CCDC178: variants seen among roughly 807,000 people sequenced by gnomAD.
CCDC178 encodes coiled-coil domain containing 178, also known as coiled-coil domain-containing protein 178.
CCDC178 carries 126 observed loss-of-function variants against 117.4 expected under a neutral mutation model. The ratio of observed to expected loss-of-function variants is 1.07; its 90% CI spans 0.93 to 1.24. The LOEUF (loss-of-function observed/expected upper bound fraction) is 1.24. Among genes scored for constraint, CCDC178 ranks in the 50% most tolerant of loss-of-function variants. The probability of loss-of-function intolerance (pLI) is 0.00; values close to 1 mark genes in which losing one functional copy is unlikely to be tolerated. For missense variants in CCDC178, 1,030 were observed against 986.9 expected (o/e 1.04, Z -0.59); for synonymous variants, 283 against 313.4 (o/e 0.90, Z 1.02).
At chr18:33,438,062 G>A (rs1404619225) in intron 2 of CCDC178, among the ~76,000 whole-genome samples, 1 of 152,110 alleles carries the variant, frequency 6.6e-6, no homozygotes, top group African/African-American at 2.4e-5. Flanking sequence ...GACCACATAT[G>A]AAAATAAAAC....
intron 21 of CCDC178, among the ~76,000 whole-genome samples, chr18:33,058,358 C>T (rs1024044784): frequency 2.0e-5 from 3 of 152,070 alleles, no homozygotes; most frequent in Admixed American, 1.3e-4. Context: ...ACATGGTAAG[C>T]CTTGAACATA....
intron 18 of CCDC178, among the ~76,000 whole-genome samples, chr18:33,220,550 A>G (rs1287312780): frequency 5.3e-5 from 8 of 152,090 alleles, no homozygotes; most frequent in African/African-American, 1.9e-4. Flanking sequence ...ATTGGACAGA[A>G]GGGGATTCTT....
In CCDC178 at chr18:33,349,362, A is replaced by G. The variant is rs2062940477; in HGVS notation, c.372-387T>C. On this transcript the variant is annotated intron_variant, in intron 7 of 22. Coordinates refer to ENST00000383096, the MANE Select transcript of CCDC178 (RefSeq NM_001105528.4). ...GAAATCAATGTAAATTACAATGAGTAAAAATATCATTTCAGATAATAAACT... is the reference window on the plus strand; with the variant it reads ...GAAATCAATGTAAATTACAATGAGTGAAAATATCATTTCAGATAATAAACT... Among the ~76,000 whole-genome samples the G allele has an allele frequency of 5.9e-5, 9 of 152,052 alleles. No individual in the cohort carries two copies. The South Asian group carries it at 1.9e-3, about 31-fold the overall frequency.
intron 19 of CCDC178, among the ~76,000 whole-genome samples, chr18:33,215,063 T>C (rs2059149164): frequency 6.6e-6 from 1 of 151,926 alleles, no homozygotes; most frequent in African/African-American, 2.4e-5. Flanking sequence ...CTCTCAGGAC[T>C]TACTAACCCT....
At chr18:33,022,764 CTAAGTA>C (rs1178007743) in intron 21 of CCDC178, among the ~76,000 whole-genome samples, 9 of 151,978 alleles carry the variant, frequency 5.9e-5, no homozygotes, top group East Asian at 3.9e-4. Flanking sequence ...TGTAGATAGT[CTAAGTA>C]TATCAATTAG....
At chr18:33,228,175 G>T (rs1344818805) in intron 15 of CCDC178, among the ~76,000 whole-genome samples, 2 of 152,180 alleles carry the variant, frequency 1.3e-5, no homozygotes, top group African/African-American at 2.4e-5. Flanking sequence ...ACAACTCTTA[G>T]ATTATGCAGA....
chr18:32,983,963 T>C (rs1334431258), intron 21 of CCDC178, among the ~76,000 whole-genome samples: 4 of 152,012 alleles, frequency 2.6e-5, no homozygotes, highest in Non-Finnish European at 4.4e-5. Context: ...CAGTTAATAC[T>C]GAGCTATTTA....
At chr18:33,181,704 G>T (rs2058734638) in intron 20 of CCDC178, among the ~76,000 whole-genome samples, 1 of 151,762 alleles carries the variant, frequency 6.6e-6, no homozygotes, top group South Asian at 2.1e-4. Context: ...TTATAACAGT[G>T]CCCATACATT....
intron 21 of CCDC178, among the ~76,000 whole-genome samples, chr18:33,066,567 A>G (rs913633421): frequency 2.6e-5 from 4 of 152,252 alleles, no homozygotes; most frequent in African/African-American, 7.2e-5. Context: ...CTAAATGGAA[A>G]AATAAATGCA....
chr18:33,428,827 TAA>T (rs371647607), intron 2 of CCDC178, among the ~76,000 whole-genome samples: 4 of 120,118 alleles, frequency 3.3e-5, no homozygotes, highest in Non-Finnish European at 3.6e-5. Context: ...TGAAAAAAAG[TAA>T]AAAAAAAAAA....
Position 33,149,795 on chromosome 18 carries a change from C to T in CCDC178, c.2239-56885G>A, listed in dbSNP as rs575246183. On this transcript the variant is annotated intron_variant, in intron 20 of 22. Coordinates refer to ENST00000383096, the MANE Select transcript of CCDC178 (RefSeq NM_001105528.4). ...AACACTATGTATTTGAACATTCTCA[C>T]AATAACATGGCTCGCTCTCATTAAA... Among the ~76,000 whole-genome samples the T allele has an allele frequency of 1.1e-4, 17 of 152,266 alleles. No homozygotes were observed. The South Asian group carries it at 2.5e-3, about 22-fold the overall frequency.
At position 33,243,379 on chromosome 18, in the gene CCDC178, T is replaced by C. The variant is rs1237429299; in HGVS notation, c.1593+1866A>G. On this transcript the variant is annotated intron_variant, in intron 15 of 22. Transcript: ENST00000383096. ...GTTAAGAATAATATACATTTTCAAATAGCTAGAAAGATGATATTGAATATT... is the reference window on the plus strand; with the variant it reads ...GTTAAGAATAATATACATTTTCAAACAGCTAGAAAGATGATATTGAATATT... Among the ~76,000 whole-genome samples, 4 of 151,820 alleles carry C rather than the reference T, an allele frequency of 2.6e-5. No individual in the cohort carries two copies. The East Asian group carries it at 7.7e-4, about 29-fold the overall frequency.
chr18:33,425,478 T>C (rs2064108687), intron 2 of CCDC178, among the ~76,000 whole-genome samples: 1 of 152,208 alleles, frequency 6.6e-6, no homozygotes, highest in Admixed American at 6.5e-5. Flanking sequence ...CAGTTTGACT[T>C]TTCCGTGTTT....
chr18:33,105,169 A>G (rs1163650940), intron 20 of CCDC178, among the ~76,000 whole-genome samples: 2 of 151,704 alleles, frequency 1.3e-5, no homozygotes, highest in African/African-American at 4.8e-5. Context: ...AATATTGTGC[A>G]TACATATTGG....
chr18:33,350,416 G>A (rs1232533159), intron 7 of CCDC178, among the ~76,000 whole-genome samples: 2 of 151,990 alleles, frequency 1.3e-5, no homozygotes, highest in East Asian at 1.9e-4. Flanking sequence ...AAGAACATAT[G>A]CTACTTATTA....
At chr18:33,127,793 A>G (rs1179633035) in intron 20 of CCDC178, among the ~76,000 whole-genome samples, 1 of 152,104 alleles carries the variant, frequency 6.6e-6, no homozygotes, top group Non-Finnish European at 1.5e-5. Flanking sequence ...TACTGTTTAC[A>G]AATTTAGTAG....
At chr18:33,244,897 G>A (rs1408916660) in intron 15 of CCDC178, among the ~76,000 whole-genome samples, 3 of 151,862 alleles carry the variant, frequency 2.0e-5, no homozygotes, top group African/African-American at 7.2e-5. Flanking sequence ...TAAGGTAGAC[G>A]AACACCTCTC....
At chr18:33,101,810 A>C (rs2057632340) in intron 20 of CCDC178, among the ~76,000 whole-genome samples, 1 of 152,020 alleles carries the variant, frequency 6.6e-6, no homozygotes, top group South Asian at 2.1e-4. Context: ...GGCATAAATT[A>C]AGTAAAAGCT....
chr18:33,301,837 A>G (rs2062181171), intron 11 of CCDC178, among the ~76,000 whole-genome samples: 1 of 152,212 alleles, frequency 6.6e-6, no homozygotes, highest in Admixed American at 6.5e-5. Flanking sequence ...GATGAGTCTC[A>G]GATGAGACTT....
Sources: gnomAD v4.1 joint callset for allele counts (sites outside exome capture counted in the v4.1 genomes callset) on GRCh38, gnomAD v4.1.1 for gene constraint, MANE v1.5 for transcripts, NCBI Gene and HGNC (gene_info 2026-07-23, HGNC 2026-07-21) for gene names.